Variants in TBC1D22A observed in about 807,000 individuals in gnomAD.
The protein encoded by TBC1D22A is putative GTPase activator.
In TBC1D22A, 38 loss-of-function variants were observed where a neutral mutation model predicts 60.2. The observed-to-expected ratio is 0.63, with a 90% CI of 0.49 to 0.83. The LOEUF (loss-of-function observed/expected upper bound fraction) is 0.83, where lower values mean the gene tolerates loss of function less well. TBC1D22A is among the 40% of genes least tolerant of loss of function. TBC1D22A has a pLI of 0.00. For missense variants in TBC1D22A, 628 were observed against 701.0 expected (o/e 0.90, Z 1.18); for synonymous variants, 302 against 281.7 (o/e 1.07, Z -0.72).
intron 10 of TBC1D22A, among the ~76,000 whole-genome samples, chr22:47,007,033 C>T (rs1475215272): frequency 1.3e-5 from 2 of 152,170 alleles, no homozygotes; most frequent in Non-Finnish European, 2.9e-5. Context: ...GACTCTGTGC[C>T]ATGTGCTCGA....
intron 12 of TBC1D22A, among the ~76,000 whole-genome samples, chr22:47,140,245 G>A (rs375647760): frequency 4.0e-5 from 6 of 150,954 alleles, no homozygotes; most frequent in Admixed American, 1.3e-4. Context: ...AGGCTGCTCC[G>A]CTTATTTTAA....
chr22:46,949,694 A>G (rs2072779242), intron 8 of TBC1D22A, among the ~76,000 whole-genome samples: 1 of 152,214 alleles, frequency 6.6e-6, no homozygotes, highest in Non-Finnish European at 1.5e-5. Context: ...GGGGAGAGAG[A>G]AATACTAAGT....
At chr22:46,826,029 C>T (rs891331545) in intron 4 of TBC1D22A, among the ~76,000 whole-genome samples, 2 of 151,326 alleles carry the variant, frequency 1.3e-5, no homozygotes, top group Admixed American at 6.6e-5. Context: ...ACTGCAGGTG[C>T]CCACCACCAC....
At chr22:46,949,412 A>G (rs1602623549) in intron 8 of TBC1D22A, among the ~76,000 whole-genome samples, 4 of 151,988 alleles carry the variant, frequency 2.6e-5, no homozygotes. Flanking sequence ...GCTGAGCCTG[A>G]CCCCGTCCCC....
At chr22:46,982,050 G>A (rs972355495) in intron 9 of TBC1D22A, among the ~76,000 whole-genome samples, 1 of 152,112 alleles carries the variant, frequency 6.6e-6, no homozygotes, top group Admixed American at 6.5e-5. Context: ...CCATGGTGTG[G>A]GATCACTCAG....
At chr22:46,840,507 G>C (rs2086704489) in intron 4 of TBC1D22A, among the ~76,000 whole-genome samples, 3 of 152,218 alleles carry the variant, frequency 2.0e-5, no homozygotes, top group Non-Finnish European at 4.4e-5. Context: ...GCCTGAGGCA[G>C]GTGGATCACG....
rs809033 is a variant in TBC1D22A, at chr22:46,771,639, G to T, written c.62+8791G>T. ...AGATGGAGTCTTGCTCTGTTGCCCAGGCTGGAGTGGAGTGGCGCGATCTCA... is the reference window on the plus strand; with the variant it reads ...AGATGGAGTCTTGCTCTGTTGCCCATGCTGGAGTGGAGTGGCGCGATCTCA... On this transcript the variant is annotated intron_variant, in intron 1 of 12. Coordinates refer to ENST00000337137, the MANE Select transcript of TBC1D22A (RefSeq NM_014346.5). 7.5e-3 allele frequency among the ~76,000 whole-genome samples: 1,140 copies of T among 151,124 alleles called. 17 individuals carry two copies. Among genetic ancestry groups the T allele is most frequent in the African/African-American group, 0.027 (1,102 of 41,070 alleles).
chr22:46,936,375 G>A (rs563723813), intron 8 of TBC1D22A, among the ~76,000 whole-genome samples: 6 of 152,156 alleles, frequency 3.9e-5, no homozygotes, highest in Non-Finnish European at 7.4e-5. Context: ...GCATGCCCTC[G>A]TGGCTCCCCG....
intron 1 of TBC1D22A, chr22:46,789,293 T>G (rs755649236): frequency 5.2e-6 from 2 of 385,300 alleles, no homozygotes; most frequent in Non-Finnish European, 1.1e-5. Context: ...GCCCGGCTAA[T>G]TTTTTGTATT....
chr22:46,898,784 G>T (rs2068822473), intron 7 of TBC1D22A, among the ~76,000 whole-genome samples: 1 of 152,212 alleles, frequency 6.6e-6, no homozygotes, highest in Non-Finnish European at 1.5e-5. Context: ...ATATGGGGGA[G>T]GCATGTAGCT....
intron 6 of TBC1D22A, among the ~76,000 whole-genome samples, 165 bp downstream of exon 6, chr22:46,891,559 C>G (rs2068409517): frequency 6.6e-6 from 1 of 152,146 alleles, no homozygotes; most frequent in Non-Finnish European, 1.5e-5. Context: ...AATTTTAAAA[C>G]AAATAATGGC....
intron 10 of TBC1D22A, among the ~76,000 whole-genome samples, chr22:47,020,880 A>G (rs1569346388): frequency 6.6e-6 from 1 of 152,088 alleles, no homozygotes; most frequent in Non-Finnish European, 1.5e-5. Context: ...TGTAATTATT[A>G]TATAAGACTC....
At chr22:47,027,052 C>T (rs998246096) in intron 10 of TBC1D22A, among the ~76,000 whole-genome samples, 1 of 152,002 alleles carries the variant, frequency 6.6e-6, no homozygotes, top group African/African-American at 2.4e-5. Context: ...ATGTTGTTGC[C>T]ATTGAGATAA....
chr22:46,775,869 CT>C (rs1296905653), intron 1 of TBC1D22A, among the ~76,000 whole-genome samples: 1 of 152,214 alleles, frequency 6.6e-6, no homozygotes, highest in Non-Finnish European at 1.5e-5. Flanking sequence ...TACGGTGTAC[CT>C]TTAAAATGCT....
At chr22:46,916,063 G>A (rs1165189350) in intron 8 of TBC1D22A, 3 of 396,170 alleles carry the variant, frequency 7.6e-6, no homozygotes, top group Non-Finnish European at 1.5e-5. Flanking sequence ...ACATATGCAT[G>A]TAGTGAATTG....
At chr22:47,110,371 C>T (rs948546355) in intron 11 of TBC1D22A, among the ~76,000 whole-genome samples, 6 of 152,066 alleles carry the variant, frequency 3.9e-5, no homozygotes, top group Non-Finnish European at 5.9e-5. Flanking sequence ...CCCAGCTACT[C>T]GGGAGACTGA....
rs556422849 is a variant in TBC1D22A, at chr22:46,793,703, C to T, written c.322C>T (p.Arg108Trp). 12 of 1,611,706 alleles carry T rather than the reference C, an allele frequency of 7.4e-6. No individual in the cohort carries two copies. The highest frequency in any genetic ancestry group is 6.7e-5 in the East Asian group (3 of 44,846). The change falls in exon 3 of 13, where the codon CGG becomes TGG. Residue 108 changes from arginine (R) to tryptophan (W), a missense_variant. Transcript: ENST00000337137. ...CCGTGTGCTGCGTAACCACAGCCAG[C>T]GGCAGGGGCGGCCCACGCTGCAGGA... ...ANRVLRNHSQ[R>W]QGRPTLQEGP...
intron 10 of TBC1D22A, among the ~76,000 whole-genome samples, chr22:47,033,631 C>A (rs973567388): frequency 1.3e-5 from 2 of 152,104 alleles, no homozygotes; most frequent in Admixed American, 1.3e-4. Context: ...GTGTATAGAA[C>A]GAAGAAGAGG....
intron 3 of TBC1D22A, among the ~76,000 whole-genome samples, chr22:46,796,923 G>A (rs1002804252): frequency 1.3e-5 from 2 of 152,196 alleles, no homozygotes; most frequent in African/African-American, 4.8e-5. Context: ...GGCGGGGTTG[G>A]GCACGCTCTT....
Sources: gnomAD v4.1 joint callset for allele counts (sites outside exome capture counted in the v4.1 genomes callset) on GRCh38, gnomAD v4.1.1 for gene constraint, MANE v1.5 for transcripts, NCBI Gene and HGNC (gene_info 2026-07-23, HGNC 2026-07-21) for gene names.